Variants in SLC25A20 observed in about 807,000 individuals in gnomAD.
The protein encoded by SLC25A20 is mitochondrial carnitine/acylcarnitine carrier protein.
In SLC25A20, 29 loss-of-function variants were observed where a neutral mutation model predicts 39.7. The ratio of observed to expected loss-of-function variants is 0.73; its 90% CI spans 0.54 to 1.00. The LOEUF (loss-of-function observed/expected upper bound fraction) is 1.00. Ranked by LOEUF, SLC25A20 falls within the 50% of genes least tolerant of loss-of-function variation. SLC25A20 has a pLI of 0.00. For missense variants in SLC25A20, 333 were observed against 379.9 expected (o/e 0.88, Z 1.03); for synonymous variants, 103 against 142.2 (o/e 0.72, Z 1.96).
At chr3:48,864,114 G>A (rs1362187687) in intron 4 of SLC25A20, among the ~76,000 whole-genome samples, 1 of 151,964 alleles carries the variant, frequency 6.6e-6, no homozygotes, top group Non-Finnish European at 1.5e-5. Flanking sequence ...GGGAGGCCAA[G>A]GCAGGCAGAT....
chr3:48,892,058 T>C lies in SLC25A20; in HGVS notation c.120A>G (p.Thr40=), dbSNP rs2083881892. ...GTTGTCCAGGCAAACTCGGTGGCTG[T>C]GTCTGCAGTCGGACCTGAAAACAGA... ...PLDTVKVRLQ[T]QPPSLPGQPP... Residue 40 remains threonine (T), a synonymous_variant, in exon 2 of 9, where the codon ACA becomes ACG. Coordinates refer to ENST00000319017, the MANE Select transcript of SLC25A20 (RefSeq NM_000387.6). 1 of 1,613,936 alleles carries C rather than the reference T, an allele frequency of 6.2e-7. No individual in the cohort carries two copies. Among genetic ancestry groups the C allele is most frequent in the Non-Finnish European group, 8.5e-7 (1 of 1,179,948 alleles).
At position 48,857,968 on chromosome 3, in the gene SLC25A20, C is replaced by CTT. The variant is rs755739220; in HGVS notation, c.844-198_844-197dup. On this transcript the variant is annotated intron_variant, in intron 8 of 8. Coordinates refer to ENST00000319017, the MANE Select transcript of SLC25A20 (RefSeq NM_000387.6). The stretch of plus-strand genomic sequence containing the variant: ...ATTTATATTCCACAACTGCCCACTT[C>CTT]TTTTTTTTTTTTTTTTGAGATGGAG... Among the ~76,000 whole-genome samples the CTT allele has an allele frequency of 5.1e-3, 705 of 138,270 alleles. 3 individuals carry two copies. The highest frequency in any genetic ancestry group is 0.019 in the Middle Eastern group (5 of 270). 90.7% of individuals were successfully genotyped at this position (138,270 alleles called of 152,430 possible).
intron 3 of SLC25A20, 140 bp from the exon 4 acceptor site, chr3:48,879,588 G>T: frequency 1.4e-6 from 1 of 707,680 alleles, no homozygotes. Flanking sequence ...AAATGAATCA[G>T]ATTTCGCACA....
chr3:48,884,159 G>T, intron 2 of SLC25A20, 35 bp from the exon 3 acceptor site: 1 of 1,612,058 alleles, frequency 6.2e-7, no homozygotes, highest in South Asian at 1.1e-5. Context: ...GCTGTTTACA[G>T]ACACCACCAC....
At position 48,858,556 on chromosome 3, in the gene SLC25A20, A is replaced by G; in HGVS notation, c.794T>C (p.Leu265Ser). 1 of 1,614,174 alleles carries G rather than the reference A, an allele frequency of 6.2e-7. No individual in the cohort carries two copies. The highest frequency in any genetic ancestry group is 8.5e-7 in the Non-Finnish European group (1 of 1,180,030). ...CATCACTGCATTGAACCCTTTGTACAAGGATGTGACTCCTTCATCCCGGAT... is the reference window on the plus strand; with the variant it reads ...CATCACTGCATTGAACCCTTTGTACGAGGATGTGACTCCTTCATCCCGGAT... ...ELIRDEGVTSLYKGFNAVMIR... is the reference protein window; with the variant it reads ...ELIRDEGVTSSYKGFNAVMIR... Residue 265 changes from leucine to serine, a missense_variant, in exon 8 of 9, where the codon TTG becomes TCG. Coordinates refer to ENST00000319017, the MANE Select transcript of SLC25A20 (RefSeq NM_000387.6).
intron 1 of SLC25A20, among the ~76,000 whole-genome samples, chr3:48,894,719 G>A (rs1015957965): frequency 1.3e-5 from 2 of 152,112 alleles, no homozygotes; most frequent in Admixed American, 6.6e-5. Flanking sequence ...TTAAACTCCT[G>A]GGCTCAAGTG....
At chr3:48,868,425 A>AT (rs1177550347) in intron 4 of SLC25A20, among the ~76,000 whole-genome samples, 1 of 152,172 alleles carries the variant, frequency 6.6e-6, no homozygotes, top group Non-Finnish European at 1.5e-5. Context: ...TTCTGGGAAG[A>AT]TGGAGTAGAT....
In SLC25A20 at chr3:48,887,922, G is replaced by T. The variant is rs138838410; in HGVS notation, c.199-3798C>A. On this transcript the variant is annotated intron_variant, in intron 2 of 8. Transcript: ENST00000319017. ...CATAAAAAAAAAGAAGAAGAAGAAA[G>T]GGCAGGCCAGGCGTGGTGGCTCATA... Among the ~76,000 whole-genome samples, 18 of 151,274 alleles carry T rather than the reference G, an allele frequency of 1.2e-4. No individual in the cohort carries two copies. In the East Asian group the frequency reaches 2.5e-3, roughly 21 times the overall value.
intron 1 of SLC25A20, among the ~76,000 whole-genome samples, chr3:48,894,123 T>C (rs1439757989): frequency 6.8e-6 from 1 of 146,998 alleles, no homozygotes; most frequent in Non-Finnish European, 1.5e-5. Flanking sequence ...ATCGCACCTT[T>C]GCACTTCAGC....
intron 2 of SLC25A20, 79 bp from the exon 3 acceptor site, chr3:48,884,203 C>A: frequency 6.3e-7 from 1 of 1,587,164 alleles, no homozygotes; most frequent in Non-Finnish European, 8.6e-7. Context: ...AGCAGTGTGT[C>A]CTCCAAACTG....
intron 5 of SLC25A20, among the ~76,000 whole-genome samples, chr3:48,860,809 T>C (rs1239523099): frequency 7.3e-5 from 11 of 149,888 alleles, no homozygotes; most frequent in African/African-American, 1.2e-4. Context: ...AAAAAGAATA[T>C]AGTATTATTA....
chr3:48,864,347 C>CAAAAAAAAAAA (rs55843120), intron 4 of SLC25A20, among the ~76,000 whole-genome samples: 6 of 48,090 alleles, frequency 1.2e-4, no homozygotes, highest in South Asian at 1.2e-3. Context: ...GACTCTGTCT[C>CAAAAAAAAAAA]AAAAAAAAAA....
chr3:48,887,529 G>A (rs919013163), intron 2 of SLC25A20, among the ~76,000 whole-genome samples: 4 of 152,164 alleles, frequency 2.6e-5, no homozygotes, highest in Non-Finnish European at 4.4e-5. Flanking sequence ...ACTCTAAGTG[G>A]ACCTGAAGCC....
rs2083589856 is a variant in SLC25A20 at position 48,857,631 on chromosome 3, C to T, written c.*79G>A. 1.5e-6 allele frequency: 2 copies of T among 1,357,746 alleles called. No individual in the cohort carries two copies. Among genetic ancestry groups the T allele is most frequent in the African/African-American group, 1.4e-5 (1 of 70,284 alleles). 84.1% of individuals were successfully genotyped at this position (1,357,746 alleles called of 1,614,324 possible). Reference sequence around the variant, plus strand: ...ATTCCCCTCCCCTTGCCCTCCAAGACTGCTTAGTTCTGCTTACTACTCCTT... The same window carrying T: ...ATTCCCCTCCCCTTGCCCTCCAAGATTGCTTAGTTCTGCTTACTACTCCTT... On this transcript the variant is annotated 3_prime_UTR_variant, in exon 9 of 9. Transcript: ENST00000319017.
chr3:48,869,469 C>T (rs147460871), intron 4 of SLC25A20, among the ~76,000 whole-genome samples: 212 of 152,148 alleles, frequency 1.4e-3, no homozygotes, highest in Non-Finnish European at 2.6e-3. Context: ...AGGTGATATG[C>T]CCACCTCAGC....
At chr3:48,885,294 T>C (rs1321936587) in intron 2 of SLC25A20, among the ~76,000 whole-genome samples, 1 of 151,418 alleles carries the variant, frequency 6.6e-6, no homozygotes, top group Non-Finnish European at 1.5e-5. Context: ...AGAAAGTGAA[T>C]TATGTGGTAA....
intron 1 of SLC25A20, among the ~76,000 whole-genome samples, chr3:48,896,968 T>C (rs1473256443): frequency 6.6e-6 from 1 of 151,994 alleles, no homozygotes; most frequent in Non-Finnish European, 1.5e-5. Context: ...CCACCTTCCA[T>C]AGAGCCTTTT....
chr3:48,878,397 A>C (rs1232225471), intron 4 of SLC25A20, among the ~76,000 whole-genome samples: 1 of 151,582 alleles, frequency 6.6e-6, no homozygotes, highest in Non-Finnish European at 1.5e-5. Context: ...GCAGTGGCAC[A>C]ATCATGGCTC....
At chr3:48,876,248 A>G (rs1189699272) in intron 4 of SLC25A20, among the ~76,000 whole-genome samples, 1 of 143,198 alleles carries the variant, frequency 7.0e-6, no homozygotes, top group Non-Finnish European at 1.5e-5. Flanking sequence ...AGGCTGAGGC[A>G]GGAGAATCAC....
Sources: gnomAD v4.1 joint callset for allele counts (sites outside exome capture counted in the v4.1 genomes callset) on GRCh38, gnomAD v4.1.1 for gene constraint, MANE v1.5 for transcripts, NCBI Gene and HGNC (gene_info 2026-07-23, HGNC 2026-07-21) for gene names.